SNRPD3: variants seen among roughly 807,000 people sequenced by gnomAD.
The protein encoded by SNRPD3 is small nuclear ribonucleoprotein Sm D3.
For missense variants in SNRPD3, 73 were observed against 167.5 expected, an observed-to-expected ratio of 0.44 and a Z score of 3.11; for synonymous variants, 66 against 58.4, an observed-to-expected ratio of 1.13 and a Z score of -0.59.
intron 2 of SNRPD3, among the ~76,000 whole-genome samples, chr22:24,565,898 C>T (rs909823691): frequency 5.9e-5 from 9 of 152,040 alleles, no homozygotes; most frequent in Non-Finnish European, 1.2e-4. Flanking sequence ...CCACCCACCT[C>T]GGCCTCCCAA....
intron 2 of SNRPD3, among the ~76,000 whole-genome samples, chr22:24,560,602 G>A (rs923070646): frequency 6.1e-5 from 9 of 147,090 alleles, no homozygotes; most frequent in African/African-American, 2.0e-4. Flanking sequence ...CTAGTTTTTC[G>A]TATTTTTAGT....
intron 2 of SNRPD3, among the ~76,000 whole-genome samples, chr22:24,559,969 G>A (rs569669336): frequency 9.0e-4 from 136 of 151,692 alleles, no homozygotes; most frequent in Admixed American, 2.5e-3. Flanking sequence ...CTCTTCCTGT[G>A]TCTTCACTTG....
intron 2 of SNRPD3, among the ~76,000 whole-genome samples, chr22:24,566,357 G>C (rs1346904082): frequency 6.6e-6 from 1 of 152,136 alleles, no homozygotes; most frequent in South Asian, 2.1e-4. Flanking sequence ...CTGCAGCCTC[G>C]ACCTCCCAGA....
chr22:24,566,424 C>T (rs1158965011), intron 2 of SNRPD3, among the ~76,000 whole-genome samples: 3 of 152,130 alleles, frequency 2.0e-5, no homozygotes, highest in African/African-American at 7.2e-5. Context: ...GCACATGCCA[C>T]CACACCCAGC....
intron 2 of SNRPD3, among the ~76,000 whole-genome samples, chr22:24,565,116 C>T (rs138509389): frequency 1.3e-5 from 2 of 151,968 alleles, no homozygotes; most frequent in African/African-American, 4.8e-5. Flanking sequence ...AACTCCTGAC[C>T]TCAAGCAGTC....
intron 3 of SNRPD3, 147 bp downstream of exon 3, chr22:24,568,323 G>A (rs1177339812): frequency 6.2e-5 from 37 of 597,112 alleles, no homozygotes; most frequent in South Asian, 5.9e-4. Context: ...CCCTTGCAGC[G>A]TGGAGTGATC....
rs117182084 is a variant in SNRPD3 at position 24,574,375 on chromosome 22, T to C, written c.*2398T>C. Among the ~76,000 whole-genome samples the C allele has an allele frequency of 6.6e-6, 1 of 152,334 alleles. No homozygotes were observed. Among genetic ancestry groups the C allele is most frequent in the East Asian group, 1.9e-4 (1 of 5,196 alleles). ...AGGGGGGAAAATCAGTTGACGCAGA[T>C]TGAAAACAAGTTGTTCCATAAGGTT... On this transcript the variant is annotated 3_prime_UTR_variant, in exon 4 of 4. Coordinates refer to ENST00000215829, the MANE Select transcript of SNRPD3 (RefSeq NM_004175.5).
At chr22:24,555,917 G>T, upstream of SNRPD3, 1 of 1,339,252 alleles carries the variant, frequency 7.5e-7, no homozygotes, top group Non-Finnish European at 1.0e-6. Flanking sequence ...GCGAGACCGC[G>T]CTCAACACTG....
intron 2 of SNRPD3, among the ~76,000 whole-genome samples, chr22:24,560,549 C>T (rs1360983951): frequency 2.1e-5 from 3 of 145,408 alleles, no homozygotes; most frequent in African/African-American, 7.7e-5. Flanking sequence ...GGTTCAAGCA[C>T]TTCTCATGCC....
chr22:24,557,686 T>C lies in SNRPD3; in HGVS notation c.12T>C (p.Gly4=), dbSNP rs768849466. 3.9e-5 allele frequency: 63 copies of C among 1,612,866 alleles called. No homozygotes were observed. The highest frequency in any genetic ancestry group is 4.9e-5 in the Non-Finnish European group (58 of 1,179,246). MSI[G]VPIKVLHEAE... ...CTCTTCCTGCCAAGATGTCTATTGG[T>C]GTGCCGATTAAAGTACTGCATGAGG... Residue 4 remains glycine (G), a synonymous_variant, in exon 2 of 4, where the codon GGT becomes GGC. Transcript: ENST00000215829.
upstream of SNRPD3, chr22:24,555,785 C>A: frequency 6.5e-7 from 1 of 1,549,880 alleles, no homozygotes; most frequent in Non-Finnish European, 8.7e-7. Flanking sequence ...GGCTCTTTGC[C>A]GGCCCCAAGG....
At chr22:24,560,460 T>A (rs1243124739) in intron 2 of SNRPD3, among the ~76,000 whole-genome samples, 435 of 35,336 alleles carry the variant, frequency 0.012, 43 homozygotes, top group Admixed American at 0.022. Context: ...TTTTTTTTTT[T>A]TTTTTTGAGA....
intron 2 of SNRPD3, among the ~76,000 whole-genome samples, chr22:24,566,973 C>T (rs2045202353): frequency 6.6e-6 from 1 of 152,220 alleles, no homozygotes; most frequent in African/African-American, 2.4e-5. Flanking sequence ...ACGACCCCGT[C>T]CAGTGTCATT....
rs2045255897 is a variant in SNRPD3, at chr22:24,572,122, G to A, written c.*145G>A. On this transcript the variant is annotated 3_prime_UTR_variant, in exon 4 of 4. Transcript: ENST00000215829. ...AATGTTTAAGCTAAATAAATCTGGGGGGTTTTTTGTTCTGTTTTGTTTTGT... is the reference window on the plus strand; with the variant it reads ...AATGTTTAAGCTAAATAAATCTGGGAGGTTTTTTGTTCTGTTTTGTTTTGT... The A allele has an allele frequency of 2.1e-6, 3 of 1,459,118 alleles. No homozygotes were observed. The Admixed American group carries it at 6.0e-5, about 29-fold the overall frequency. The allele number at this position is 1,459,118 out of a possible 1,614,324, so 90.4% of individuals were successfully genotyped here.
chr22:24,570,107 C>A (rs1012977077), intron 3 of SNRPD3, among the ~76,000 whole-genome samples: 2 of 152,228 alleles, frequency 1.3e-5, no homozygotes, highest in Admixed American at 6.5e-5. Context: ...GGAAACCCCG[C>A]GAGGCCTGTC....
upstream of SNRPD3, chr22:24,555,920 C>G: frequency 3.0e-6 from 4 of 1,325,948 alleles, no homozygotes; most frequent in Non-Finnish European, 4.1e-6. Context: ...AGACCGCGCT[C>G]AACACTGGGG....
chr22:24,556,371 T>G (rs1488112075), intron 1 of SNRPD3, among the ~76,000 whole-genome samples: 3 of 43,938 alleles, frequency 6.8e-5, no homozygotes, highest in African/African-American at 1.8e-4. Flanking sequence ...TATGAGTTTT[T>G]TTTTGTTTTT....
At chr22:24,560,782 C>T (rs747895440) in intron 2 of SNRPD3, among the ~76,000 whole-genome samples, 71 of 50,004 alleles carry the variant, frequency 1.4e-3, no homozygotes, top group Non-Finnish European at 2.4e-3. Flanking sequence ...GGCTGGAGTA[C>T]AGTGGCACAA....
intron 2 of SNRPD3, among the ~76,000 whole-genome samples, chr22:24,559,136 C>T (rs113782349): frequency 2.0e-5 from 3 of 152,186 alleles, no homozygotes; most frequent in African/African-American, 7.2e-5. Context: ...CACCTTACAC[C>T]GCGGTCAGGC....
Sources: allele counts gnomAD v4.1 joint callset (sites outside exome capture counted in the v4.1 genomes callset), GRCh38; gene constraint gnomAD v4.1.1; transcripts MANE v1.5; gene names NCBI Gene and HGNC (gene_info 2026-07-23, HGNC 2026-07-21).